Variants in NTM observed in about 807,000 individuals in gnomAD.
NTM encodes IgLON family member 2.
In NTM, 13 loss-of-function variants were observed where a neutral mutation model predicts 42.1. The observed-to-expected ratio is 0.31, with a 90% CI of 0.20 to 0.49. NTM has a LOEUF of 0.49. NTM is among the 20% of genes least tolerant of loss of function. The probability of loss-of-function intolerance (pLI) is 0.99; values close to 1 mark genes in which losing one functional copy is unlikely to be tolerated. For synonymous variants in NTM, 187 were observed against 179.2 expected (o/e 1.04, Z -0.35); for missense variants, 373 against 452.8 (o/e 0.82, Z 1.60).
intron 2 of NTM, among the ~76,000 whole-genome samples, chr11:132,008,782 C>A (rs535602304): frequency 6.6e-6 from 1 of 151,528 alleles, no homozygotes; most frequent in African/African-American, 2.4e-5. Flanking sequence ...GTTATCTGAC[C>A]GTTTGATTTC....
intron 6 of NTM, among the ~76,000 whole-genome samples, chr11:132,310,508 G>T (rs1408263369): frequency 7.9e-5 from 12 of 152,210 alleles, no homozygotes; most frequent in Non-Finnish European, 1.5e-5. Flanking sequence ...GCCACCAGGA[G>T]CATTGTAAGG....
At chr11:131,790,915 T>A (rs2090840467) in intron 1 of NTM, among the ~76,000 whole-genome samples, 1 of 152,202 alleles carries the variant, frequency 6.6e-6, no homozygotes, top group South Asian at 2.1e-4. Flanking sequence ...GGAAATATCT[T>A]TGGAGCAATC....
At chr11:132,069,319 G>A (rs1368522424) in intron 2 of NTM, among the ~76,000 whole-genome samples, 1 of 148,592 alleles carries the variant, frequency 6.7e-6, no homozygotes, top group Non-Finnish European at 1.5e-5. Flanking sequence ...ACCATCACAG[G>A]TTAGTTAACA....
intron 2 of NTM, among the ~76,000 whole-genome samples, chr11:132,060,741 T>A (rs138817475): frequency 0.014 from 2,063 of 152,282 alleles, 25 homozygotes; most frequent in Non-Finnish European, 0.021. Flanking sequence ...TATCTTTTCA[T>A]GAGGGTCTAG....
At chr11:131,545,304 T>C (rs556782427) in intron 1 of NTM, among the ~76,000 whole-genome samples, 1 of 152,296 alleles carries the variant, frequency 6.6e-6, no homozygotes, top group African/African-American at 2.4e-5. Flanking sequence ...TCTTTTTCTT[T>C]TTTCTTGAGT....
At chr11:132,246,004 T>C (rs559965048) in intron 4 of NTM, among the ~76,000 whole-genome samples, 1 of 152,204 alleles carries the variant, frequency 6.6e-6, no homozygotes, top group South Asian at 2.1e-4. Flanking sequence ...CTATAGGGGT[T>C]TGATGAGAGA....
chr11:131,533,087 A>ATTG (rs893417547), intron 1 of NTM, among the ~76,000 whole-genome samples: 12 of 152,100 alleles, frequency 7.9e-5, no homozygotes, highest in Non-Finnish European at 1.6e-4. Flanking sequence ...AATAATTTTT[A>ATTG]TTGTTGTTGT....
chr11:131,413,786 G>T (rs528153587), intron 1 of NTM, among the ~76,000 whole-genome samples: 1 of 152,132 alleles, frequency 6.6e-6, no homozygotes, highest in African/African-American at 2.4e-5. Context: ...GTCCAAACCC[G>T]TGGGGACAAG....
intron 1 of NTM, among the ~76,000 whole-genome samples, chr11:131,669,181 C>T (rs2069654048): frequency 6.6e-6 from 1 of 151,334 alleles, no homozygotes; most frequent in Non-Finnish European, 1.5e-5. Flanking sequence ...TTTCCCCCAT[C>T]CAAAGAGAGA....
chr11:131,845,831 C>G (rs1162374235), intron 1 of NTM, among the ~76,000 whole-genome samples: 2 of 151,794 alleles, frequency 1.3e-5, no homozygotes, highest in African/African-American at 2.4e-5. Flanking sequence ...AGGATTTTTC[C>G]TTCCCTATAC....
intron 3 of NTM, among the ~76,000 whole-genome samples, chr11:132,149,231 CA>C (rs59485155): frequency 1.1e-3 from 137 of 122,870 alleles, no homozygotes; most frequent in East Asian, 3.2e-3. Context: ...TCCTGGATTA[CA>C]AAAAAAAAAA....
At position 131,584,526 on chromosome 11, in the gene NTM, G is replaced by T. The variant is rs188201037; in HGVS notation, c.82+213638G>T. Reference sequence around the variant, plus strand: ...CCGGGACTATATGTGAGAATAAAACGCTGGGTCCCATTAGTAGTCAACAGA... The same window carrying T: ...CCGGGACTATATGTGAGAATAAAACTCTGGGTCCCATTAGTAGTCAACAGA... On this transcript the variant is annotated intron_variant, in intron 1 of 8. Transcript: ENST00000683400. Among the ~76,000 whole-genome samples the T allele has an allele frequency of 7.9e-5, 12 of 152,242 alleles. 1 individual carries two copies. In the East Asian group the frequency reaches 2.3e-3, roughly 29 times the overall value.
intron 2 of NTM, among the ~76,000 whole-genome samples, chr11:132,024,304 G>A (rs1278694550): frequency 1.3e-5 from 2 of 152,146 alleles, no homozygotes; most frequent in African/African-American, 4.8e-5. Context: ...TGAAAGGCTT[G>A]TGCAGTTGTC....
chr11:132,209,681 G>A (rs1002266353), intron 3 of NTM, among the ~76,000 whole-genome samples: 1 of 152,222 alleles, frequency 6.6e-6, no homozygotes, highest in Non-Finnish European at 1.5e-5. Flanking sequence ...CCCCAGGAAG[G>A]AGAGGTCACA....
intron 1 of NTM, among the ~76,000 whole-genome samples, chr11:131,865,546 C>T (rs919318960): frequency 6.6e-6 from 1 of 152,196 alleles, no homozygotes; most frequent in Non-Finnish European, 1.5e-5. Context: ...CAGAACAATG[C>T]TAGCAGATTC....
intron 7 of NTM, among the ~76,000 whole-genome samples, chr11:132,319,415 C>T (rs1471014288): frequency 1.3e-5 from 2 of 152,206 alleles, no homozygotes; most frequent in Non-Finnish European, 2.9e-5. Flanking sequence ...GAGTCACTCC[C>T]ACCCTAATAC....
intron 1 of NTM, among the ~76,000 whole-genome samples, chr11:131,711,852 A>G (rs1223268610): frequency 1.3e-5 from 2 of 151,860 alleles, no homozygotes; most frequent in African/African-American, 4.8e-5. Flanking sequence ...GAAATTGGAA[A>G]TCATCATTCT....
At chr11:131,963,938 G>A (rs1199957181) in intron 2 of NTM, among the ~76,000 whole-genome samples, 2 of 152,178 alleles carry the variant, frequency 1.3e-5, no homozygotes, top group African/African-American at 4.8e-5. Context: ...GTTTCTGAAT[G>A]TATGCTTCTA....
At chr11:131,891,187 A>T (rs1194727468) in intron 1 of NTM, among the ~76,000 whole-genome samples, 1 of 152,220 alleles carries the variant, frequency 6.6e-6, no homozygotes, top group Non-Finnish European at 1.5e-5. Flanking sequence ...ACACCCAACT[A>T]TATCAGAAGG....
Sources: allele counts gnomAD v4.1 joint callset (sites outside exome capture counted in the v4.1 genomes callset), GRCh38; gene constraint gnomAD v4.1.1; transcripts MANE v1.5; gene names NCBI Gene and HGNC (gene_info 2026-07-23, HGNC 2026-07-21).